The following CSF2RA variants were observed in gnomAD, a reference collection of about 807,000 sequenced individuals.
CSF2RA encodes the protein colony stimulating factor 2 receptor subunit alpha, also known as granulocyte-macrophage colony-stimulating factor receptor subunit alpha.
CSF2RA carries 42 observed loss-of-function variants against 51.6 expected under a neutral mutation model. That is an observed-to-expected ratio of 0.81 (90% CI 0.64 to 1.05). CSF2RA has a LOEUF of 1.05. Ranked by LOEUF, CSF2RA falls within the 50% of genes least tolerant of loss-of-function variation. The probability of loss-of-function intolerance (pLI) is 0.00; values close to 1 mark genes in which losing one functional copy is unlikely to be tolerated. For missense variants in CSF2RA, 530 were observed against 501.1 expected, an observed-to-expected ratio of 1.06 and a Z score of -0.55; for synonymous variants, 222 against 193.0, an observed-to-expected ratio of 1.15 and a Z score of -1.24.
At chrX:1,324,172 G>T in the CSF2RA span, among the ~76,000 whole-genome samples, 1 of 151,206 alleles carries the variant, frequency 6.6e-6, no homozygotes. Context: ...GTGACAGAGT[G>T]TAACTCTGCC....
chrX:1,306,454 C>T (rs1181727180), intron 12 of CSF2RA, among the ~76,000 whole-genome samples: 3 of 152,030 alleles, frequency 2.0e-5, no homozygotes, highest in Non-Finnish European at 4.4e-5. Flanking sequence ...CGAGACCAGC[C>T]TGACCAACCT....
chrX:1,323,461 G>T, the CSF2RA span, among the ~76,000 whole-genome samples: 2,720 of 152,192 alleles, frequency 0.018, 79 homozygotes, highest in African/African-American at 0.062. Context: ...CTAGAGGGCA[G>T]CAATGTCCCC....
intron 6 of CSF2RA, chrX:1,289,186 T>A: frequency 2.3e-6 from 1 of 433,460 alleles, no homozygotes; most frequent in South Asian, 2.2e-5. Flanking sequence ...TGTAGTGATG[T>A]GATCTCAGCT....
chrX:1,323,128 C>CA, the CSF2RA span, among the ~76,000 whole-genome samples: 698 of 83,548 alleles, frequency 8.4e-3, 7 homozygotes, highest in African/African-American at 0.026. Context: ...GATTCCGTCT[C>CA]AAAAAAAATA....
chrX:1,307,397 GA>G (rs2083696654), intron 12 of CSF2RA, among the ~76,000 whole-genome samples: 1 of 128,462 alleles, frequency 7.8e-6, no homozygotes, highest in African/African-American at 3.1e-5. Context: ...TTCCCCTTTA[GA>G]CCTTCGACTG....
chrX:1,319,077 C>G, the CSF2RA span, among the ~76,000 whole-genome samples: 1 of 137,120 alleles, frequency 7.3e-6, no homozygotes, highest in African/African-American at 2.5e-5. Flanking sequence ...CTCACTACAA[C>G]CTCCGCCTCC....
intron 10 of CSF2RA, among the ~76,000 whole-genome samples, chrX:1,302,064 C>A (rs1374610802): frequency 2.6e-5 from 4 of 151,502 alleles, no homozygotes; most frequent in East Asian, 3.9e-4. Flanking sequence ...TTACAGGCGC[C>A]CGCCACCACA....
At chrX:1,294,019 G>T in intron 7 of CSF2RA, 1 of 213,346 alleles carries the variant, frequency 4.7e-6, no homozygotes. Context: ...CCTCCACCTG[G>T]ACCCAGTGTA....
downstream of CSF2RA, among the ~76,000 whole-genome samples, chrX:1,312,138 G>A (rs2084219008): frequency 6.6e-6 from 1 of 151,994 alleles, no homozygotes; most frequent in African/African-American, 2.4e-5. Flanking sequence ...TGTATTTTTA[G>A]TAGAGATGGG....
chrX:1,270,298 G>C (rs1423178827), intron 1 of CSF2RA, among the ~76,000 whole-genome samples: 1 of 152,006 alleles, frequency 6.6e-6, no homozygotes, highest in Non-Finnish European at 1.5e-5. Flanking sequence ...GGAGGGCAGT[G>C]GTGCAATCAC....
rs781619173 is a variant in CSF2RA, at chrX:1,294,773, C to T, written c.780+312C>T. 1.2e-3 allele frequency among the ~76,000 whole-genome samples: 186 copies of T among 152,194 alleles called. 1 individual carries two copies. The highest frequency in any genetic ancestry group is 4.2e-3 in the African/African-American group (175 of 41,538). On this transcript the variant is annotated intron_variant, in intron 8 of 12. Coordinates refer to ENST00000381529, the MANE Select transcript of CSF2RA (RefSeq NM_172245.4). The stretch of plus-strand genomic sequence containing the variant: ...AGCCTCTGCTCCACCTCCAGCTGGA[C>T]GCAGTGTAGACAGAAGGAGACCCTG...
chrX:1,306,975 C>A (rs762471643), intron 12 of CSF2RA, among the ~76,000 whole-genome samples: 1 of 151,302 alleles, frequency 6.6e-6, no homozygotes, highest in African/African-American at 2.4e-5. Flanking sequence ...ACAGAGACAC[C>A]GAGAGAGACA....
intron 10 of CSF2RA, among the ~76,000 whole-genome samples, chrX:1,300,930 G>T (rs1286035268): frequency 6.6e-6 from 1 of 151,834 alleles, no homozygotes; most frequent in African/African-American, 2.4e-5. Flanking sequence ...GAGGCCGGCG[G>T]ATCACCGGAG....
chrX:1,307,947 C>T (rs2083837099), intron 12 of CSF2RA, among the ~76,000 whole-genome samples: 1 of 150,852 alleles, frequency 6.6e-6, no homozygotes, highest in African/African-American at 2.4e-5. Flanking sequence ...ATGAAGCCCA[C>T]CCTTCCCCCC....
intron 4 of CSF2RA, among the ~76,000 whole-genome samples, chrX:1,286,719 C>T (rs1252041248): frequency 1.3e-5 from 2 of 152,164 alleles, no homozygotes; most frequent in Non-Finnish European, 2.9e-5. Context: ...CAATGTGTAC[C>T]AGAGCCTGAT....
rs1409537293 is a variant in CSF2RA at position 1,290,211 on chromosome X, T to C, written c.474-126T>C. ...TTTGTGGGTTTTTTTTGTTTTGTGT[T>C]TTTGTTTTGTGTTTTTGTGTTTTGT... On this transcript the variant is annotated intron_variant, in intron 6 of 12. Transcript: ENST00000381529. 3.8e-6 allele frequency: 3 copies of C among 795,608 alleles called. No homozygotes were observed. The African/African-American group carries it at 5.2e-5, about 14-fold the overall frequency. 49.3% of individuals were successfully genotyped at this position (795,608 alleles called of 1,614,324 possible).
intron 9 of CSF2RA, among the ~76,000 whole-genome samples, chrX:1,298,846 A>T (rs1324150260): frequency 2.6e-5 from 4 of 151,962 alleles, no homozygotes; most frequent in Non-Finnish European, 5.9e-5. Context: ...CTCCCCCTAG[A>T]CCCAGTGTAG....
At chrX:1,301,319 G>T (rs1459011440) in intron 10 of CSF2RA, among the ~76,000 whole-genome samples, 1 of 113,060 alleles carries the variant, frequency 8.8e-6, no homozygotes, top group Non-Finnish European at 1.7e-5. Flanking sequence ...GTGACAGAGT[G>T]AGACTCTGTC....
At chrX:1,315,534 G>C in the CSF2RA span, among the ~76,000 whole-genome samples, 1 of 152,042 alleles carries the variant, frequency 6.6e-6, no homozygotes, top group Admixed American at 6.6e-5. Flanking sequence ...CTCTTGAGTA[G>C]CTGAGATTAC....
Sources: allele counts gnomAD v4.1 joint callset (sites outside exome capture counted in the v4.1 genomes callset), GRCh38; gene constraint gnomAD v4.1.1; transcripts MANE v1.5; gene names NCBI Gene and HGNC (gene_info 2026-07-23, HGNC 2026-07-21).